Variants in ARNT2 observed in about 807,000 individuals in gnomAD.
ARNT2 encodes ARNT protein 2.
Under a neutral mutation model 91.7 loss-of-function variants are expected in ARNT2, and 36 were observed. The observed-to-expected ratio is 0.39, with a 90% CI of 0.30 to 0.52. ARNT2 has a LOEUF of 0.52. ARNT2 is among the 20% of genes least tolerant of loss of function. ARNT2 has a pLI of 0.72. For synonymous variants in ARNT2, 365 were observed against 347.1 expected (o/e 1.05, Z -0.57); for missense variants, 775 against 939.3 (o/e 0.83, Z 2.29).
intron 8 of ARNT2, among the ~76,000 whole-genome samples, chr15:80,540,216 T>G (rs1037249350): frequency 6.6e-6 from 1 of 152,210 alleles, no homozygotes; most frequent in African/African-American, 2.4e-5. Flanking sequence ...ACGTTTAACC[T>G]CATGAGAAAC....
intron 17 of ARNT2, among the ~76,000 whole-genome samples, chr15:80,585,340 A>G (rs901438886): frequency 6.6e-6 from 1 of 152,196 alleles, no homozygotes; most frequent in South Asian, 2.1e-4. Flanking sequence ...TTGTGCCTGT[A>G]GGGCCCAGTC....
At chr15:80,506,498 G>C (rs544893326) in intron 5 of ARNT2, among the ~76,000 whole-genome samples, 2 of 152,316 alleles carry the variant, frequency 1.3e-5, no homozygotes, top group Non-Finnish European at 2.9e-5. Flanking sequence ...GACAGTGCAG[G>C]GTGGTAGATA....
intron 3 of ARNT2, among the ~76,000 whole-genome samples, chr15:80,459,478 C>T (rs1164839163): frequency 1.3e-5 from 2 of 152,154 alleles, no homozygotes; most frequent in African/African-American, 4.8e-5. Flanking sequence ...ACTTTGGTTC[C>T]TCCGTGTCAA....
intron 5 of ARNT2, among the ~76,000 whole-genome samples, chr15:80,489,800 A>G (rs1057434130): frequency 1.3e-5 from 2 of 152,084 alleles, no homozygotes; most frequent in African/African-American, 4.8e-5. Context: ...AGATGGGTGG[A>G]CTCACCGACA....
chr15:80,440,080 C>T (rs1896164982), intron 1 of ARNT2, among the ~76,000 whole-genome samples: 1 of 152,212 alleles, frequency 6.6e-6, no homozygotes, highest in Non-Finnish European at 1.5e-5. Context: ...TAGGTTTTGG[C>T]TGAGACTCCT....
At chr15:80,413,083 T>C (rs1400317083) in intron 1 of ARNT2, among the ~76,000 whole-genome samples, 1 of 152,240 alleles carries the variant, frequency 6.6e-6, no homozygotes, top group East Asian at 1.9e-4. Context: ...TTCAGTGGCT[T>C]TTTAATTAAC....
chr15:80,415,200 A>G (rs1279079098), intron 1 of ARNT2, among the ~76,000 whole-genome samples: 1 of 152,216 alleles, frequency 6.6e-6, no homozygotes, highest in Non-Finnish European at 1.5e-5. Flanking sequence ...TGCAAAGCCC[A>G]CCGCTCCCAC....
intron 17 of ARNT2, among the ~76,000 whole-genome samples, chr15:80,586,989 A>T (rs1893184688): frequency 6.6e-6 from 1 of 152,144 alleles, no homozygotes; most frequent in African/African-American, 2.4e-5. Context: ...GACACCATGC[A>T]CCCTCTTCCT....
At chr15:80,593,401 C>A (rs1387830499) in intron 18 of ARNT2, among the ~76,000 whole-genome samples, 199 bp from the exon 19 acceptor site, 10 of 152,204 alleles carry the variant, frequency 6.6e-5, no homozygotes. Context: ...CACAACAGCT[C>A]CCTGGGGAGA....
chr15:80,555,773 C>G (rs917693723), intron 11 of ARNT2: 2 of 151,338 alleles, frequency 1.3e-5, no homozygotes, highest in Non-Finnish European at 2.9e-5. Flanking sequence ...AGTTCGAGAC[C>G]AGCCTGGCCA....
intron 13 of ARNT2, 90 bp downstream of exon 13, chr15:80,574,310 A>T (rs1244503096): frequency 3.1e-6 from 4 of 1,287,658 alleles, no homozygotes; most frequent in Non-Finnish European, 4.5e-6. Context: ...GAGCCCCTCA[A>T]CACAAAGGAT....
At chr15:80,422,070 G>A (rs1358804726) in intron 1 of ARNT2, among the ~76,000 whole-genome samples, 1 of 152,218 alleles carries the variant, frequency 6.6e-6, no homozygotes, top group Non-Finnish European at 1.5e-5. Context: ...GTGGCTGGGA[G>A]ACAGAGAGGT....
chr15:80,436,675 C>T (rs1055904819), intron 1 of ARNT2, among the ~76,000 whole-genome samples: 2 of 152,146 alleles, frequency 1.3e-5, no homozygotes, highest in African/African-American at 4.8e-5. Flanking sequence ...TGTGTCTGGA[C>T]AACAATCAGT....
chr15:80,540,349 C>G (rs1897886740), intron 8 of ARNT2, among the ~76,000 whole-genome samples: 1 of 152,142 alleles, frequency 6.6e-6, no homozygotes, highest in Admixed American at 6.6e-5. Context: ...TGATAGCCAT[C>G]TTAATGGGTG....
chr15:80,420,367 G>A (rs1486271039), intron 1 of ARNT2, among the ~76,000 whole-genome samples: 1 of 152,122 alleles, frequency 6.6e-6, no homozygotes, highest in Non-Finnish European at 1.5e-5. Flanking sequence ...CAGATCATGT[G>A]ACACAAAGCC....
At chr15:80,416,921 T>C (rs1434618117) in intron 1 of ARNT2, among the ~76,000 whole-genome samples, 1 of 152,224 alleles carries the variant, frequency 6.6e-6, no homozygotes, top group African/African-American at 2.4e-5. Flanking sequence ...ATTTATGTGC[T>C]TGGCAGACCT....
chr15:80,532,069 G>A (rs1008437362), intron 8 of ARNT2, among the ~76,000 whole-genome samples: 1 of 152,198 alleles, frequency 6.6e-6, no homozygotes, highest in Non-Finnish European at 1.5e-5. Context: ...TCAGCCCCAC[G>A]TGCCAGGCTA....
chr15:80,455,159 G>A (rs190383176), intron 2 of ARNT2, among the ~76,000 whole-genome samples: 7 of 152,322 alleles, frequency 4.6e-5, no homozygotes, highest in African/African-American at 1.7e-4. Context: ...GTCCAAAGCA[G>A]CAGCATCTTG....
At chr15:80,471,107 G>A (rs1411527133) in intron 4 of ARNT2, among the ~76,000 whole-genome samples, 1 of 152,244 alleles carries the variant, frequency 6.6e-6, no homozygotes, top group African/African-American at 2.4e-5. Flanking sequence ...ATTCACAATA[G>A]CAAAGACATG....
Sources: gnomAD v4.1 joint callset for allele counts (sites outside exome capture counted in the v4.1 genomes callset) on GRCh38, gnomAD v4.1.1 for gene constraint, MANE v1.5 for transcripts, NCBI Gene and HGNC (gene_info 2026-07-23, HGNC 2026-07-21) for gene names.